The following HSD17B12 variants were observed in gnomAD, a reference collection of about 807,000 sequenced individuals.
HSD17B12 encodes the protein very-long-chain 3-oxoacyl-CoA reductase.
In HSD17B12, 32 loss-of-function variants were observed where a neutral mutation model predicts 39.3. The observed-to-expected ratio is 0.81, with a 90% CI of 0.61 to 1.09. The LOEUF (loss-of-function observed/expected upper bound fraction) is 1.09, where lower values mean the gene tolerates loss of function less well. Ranked by LOEUF, HSD17B12 falls within the 50% of genes least tolerant of loss-of-function variation. HSD17B12 has a pLI of 0.00. For synonymous variants in HSD17B12, 150 were observed against 146.7 expected, an observed-to-expected ratio of 1.02 and a Z score of -0.16; for missense variants, 342 against 382.9, an observed-to-expected ratio of 0.89 and a Z score of 0.89.
chr11:43,837,132 A>G (rs2139154), intron 7 of HSD17B12, among the ~76,000 whole-genome samples: 99,629 of 152,020 alleles, frequency 0.66, 32,997 homozygotes, highest in East Asian at 0.76. Flanking sequence ...GTGGCATCTC[A>G]CCTAGAGGCT....
At chr11:43,805,974 G>A (rs556556450) in intron 4 of HSD17B12, among the ~76,000 whole-genome samples, 1 of 152,318 alleles carries the variant, frequency 6.6e-6, no homozygotes, top group African/African-American at 2.4e-5. Context: ...GTTTTATTAT[G>A]ATGGATAAAA....
At chr11:43,797,624 A>G (rs1024791435) in intron 3 of HSD17B12, among the ~76,000 whole-genome samples, 1 of 152,206 alleles carries the variant, frequency 6.6e-6, no homozygotes, top group Non-Finnish European at 1.5e-5. Context: ...GCAAAAGTAA[A>G]TACTGTACAT....
the HSD17B12 span, among the ~76,000 whole-genome samples, chr11:43,668,148 T>G: frequency 2.0e-5 from 3 of 152,230 alleles, no homozygotes; most frequent in Non-Finnish European, 4.4e-5. Flanking sequence ...ACAATCATCT[T>G]ACAATTCTAT....
chr11:43,599,272 C>A, the HSD17B12 span, among the ~76,000 whole-genome samples: 181 of 152,122 alleles, frequency 1.2e-3, 1 homozygote, highest in Non-Finnish European at 2.3e-3. Context: ...AATAGGAAAT[C>A]AGAATGCCTG....
chr11:43,765,565 G>A (rs1950588256), intron 3 of HSD17B12, among the ~76,000 whole-genome samples: 1 of 151,662 alleles, frequency 6.6e-6, no homozygotes, highest in Non-Finnish European at 1.5e-5. Flanking sequence ...ATAGTTTTCG[G>A]ATAGTTTCTT....
the HSD17B12 span, among the ~76,000 whole-genome samples, chr11:43,579,786 AG>A: frequency 2.6e-5 from 4 of 151,280 alleles, no homozygotes; most frequent in African/African-American, 4.9e-5. Flanking sequence ...GGATGGGCGA[AG>A]GGGGTGGGTC....
chr11:43,681,553 A>G (rs1949744512), intron 1 of HSD17B12, among the ~76,000 whole-genome samples: 1 of 152,030 alleles, frequency 6.6e-6, no homozygotes, highest in Admixed American at 6.6e-5. Context: ...GATTTGGCCT[A>G]TTTCATACAA....
the HSD17B12 span, among the ~76,000 whole-genome samples, chr11:43,579,724 CGAGGGGATGCCGTGG>C: frequency 6.6e-6 from 1 of 152,072 alleles, no homozygotes; most frequent in Admixed American, 6.5e-5. Context: ...GTCCCGGAGC[CGAGGGGATGCCGTGG>C]GAGGGTGAGT....
chr11:43,626,248 T>A, the HSD17B12 span, among the ~76,000 whole-genome samples: 118 of 151,922 alleles, frequency 7.8e-4, 1 homozygote, highest in African/African-American at 2.4e-3. Context: ...ATAAAATTTT[T>A]AAAAATATTT....
the HSD17B12 span, among the ~76,000 whole-genome samples, chr11:43,624,502 C>T: frequency 6.6e-6 from 1 of 151,680 alleles, no homozygotes; most frequent in Admixed American, 6.6e-5. Flanking sequence ...GTTCACATGG[C>T]ATTTATATAT....
chr11:43,829,792 TTCCC>T (rs1951289453), intron 6 of HSD17B12: 1 of 152,180 alleles, frequency 6.6e-6, no homozygotes, highest in South Asian at 2.1e-4. Context: ...GAATTATAGC[TTCCC>T]TTCACAAAAT....
chr11:43,561,162 G>A, the HSD17B12 span, among the ~76,000 whole-genome samples: 424 of 152,276 alleles, frequency 2.8e-3, 1 homozygote, highest in Non-Finnish European at 3.3e-3. Context: ...GAGATACCCT[G>A]ACTGATCTGT....
chr11:43,613,350 T>C, the HSD17B12 span, among the ~76,000 whole-genome samples: 2 of 151,152 alleles, frequency 1.3e-5, no homozygotes, highest in Non-Finnish European at 2.9e-5. Context: ...CAAGATCATA[T>C]CATCGCACTC....
At chr11:43,811,364 G>T (rs543032954) in intron 4 of HSD17B12, among the ~76,000 whole-genome samples, 1 of 152,230 alleles carries the variant, frequency 6.6e-6, no homozygotes, top group South Asian at 2.1e-4. Context: ...GTACAGGAGG[G>T]AATGTAGGAG....
chr11:43,662,492 A>C, the HSD17B12 span, among the ~76,000 whole-genome samples: 1 of 147,026 alleles, frequency 6.8e-6, no homozygotes, highest in Admixed American at 6.9e-5. Context: ...TGATCCACCC[A>C]CCTTAGCCCC....
intron 3 of HSD17B12, among the ~76,000 whole-genome samples, chr11:43,774,093 GCC>G (rs1173034781): frequency 6.6e-6 from 1 of 152,146 alleles, no homozygotes; most frequent in Non-Finnish European, 1.5e-5. Flanking sequence ...CTGAACACAT[GCC>G]CCATGTAAAG....
At chr11:43,757,660 A>AAC (rs1950521655) in intron 3 of HSD17B12, among the ~76,000 whole-genome samples, 1 of 143,618 alleles carries the variant, frequency 7.0e-6, no homozygotes, top group Non-Finnish European at 1.5e-5. Context: ...AAAAAAAAAA[A>AAC]AAAAAAACAA....
At chr11:43,638,356 C>G in the HSD17B12 span, among the ~76,000 whole-genome samples, 1 of 152,138 alleles carries the variant, frequency 6.6e-6, no homozygotes, top group African/African-American at 2.4e-5. Context: ...AGCGGACATT[C>G]CTTCAGTTTT....
the HSD17B12 span, chr11:43,581,633 G>T: frequency 2.7e-6 from 1 of 367,114 alleles, no homozygotes. The surrounding 1 kb of genome is among the most constrained non-coding windows in gnomAD (Gnocchi z 4.9). Context: ...CCGAGGCTTT[G>T]GTCACCTGTC....
Sources: allele counts gnomAD v4.1 joint callset (sites outside exome capture counted in the v4.1 genomes callset), GRCh38; gene constraint gnomAD v4.1.1; non-coding constraint Gnocchi (gnomAD v3.1); transcripts MANE v1.5; gene names NCBI Gene and HGNC (gene_info 2026-07-23, HGNC 2026-07-21).